JDP2: variants seen among roughly 807,000 people sequenced by gnomAD.
The protein encoded by JDP2 is Jun dimerization protein 2.
In JDP2, 9 loss-of-function variants were observed where a neutral mutation model predicts 17.1. That is an observed-to-expected ratio of 0.53 (90% CI 0.32 to 0.92). The LOEUF (loss-of-function observed/expected upper bound fraction) is 0.92, where lower values mean the gene tolerates loss of function less well. JDP2 is among the 40% of genes least tolerant of loss of function. JDP2 has a pLI of 0.04. For synonymous variants in JDP2, 107 were observed against 95.6 expected (o/e 1.12, Z -0.69); for missense variants, 179 against 220.0 (o/e 0.81, Z 1.18).
At chr14:75,434,704 G>C (rs956562280) in intron 1 of JDP2, among the ~76,000 whole-genome samples, 1 of 152,132 alleles carries the variant, frequency 6.6e-6, no homozygotes, top group Non-Finnish European at 1.5e-5. Flanking sequence ...GGAACAGAAT[G>C]GGGTCTGGCT....
At position 75,433,222 on chromosome 14, in the gene JDP2, AAAT is replaced by A. The variant is rs1470371602; in HGVS notation, c.-23-4675_-23-4673del. Among the ~76,000 whole-genome samples, 277 of 145,122 alleles carry A rather than the reference AAAT, an allele frequency of 1.9e-3. 13 individuals are homozygous for A. The highest frequency in any genetic ancestry group is 6.5e-3 in the African/African-American group (252 of 38,918). On this transcript the variant is annotated intron_variant, in intron 1 of 3. Coordinates refer to ENST00000651602, the MANE Select transcript of JDP2 (RefSeq NM_001135048.2). ...AAAAAAAAAAAAAAAAAAAAAAAAA[AAAT>A]GTAAGGGGTTAGGTTGGTGCAAAAG...
chr14:75,435,497 C>T (rs1386227043), intron 1 of JDP2, among the ~76,000 whole-genome samples: 1 of 152,186 alleles, frequency 6.6e-6, no homozygotes, highest in African/African-American at 2.4e-5. Flanking sequence ...GTCATTCCTT[C>T]TGCTGAAGGC....
At chr14:75,456,325 C>T (rs1331787848) in intron 2 of JDP2, among the ~76,000 whole-genome samples, 1 of 152,220 alleles carries the variant, frequency 6.6e-6, no homozygotes, top group African/African-American at 2.4e-5. Context: ...GTGTCTCTCT[C>T]TCCCCTTCTT....
chr14:75,445,642 C>T (rs983395435), intron 2 of JDP2: 23 of 938,452 alleles, frequency 2.5e-5, no homozygotes, highest in Admixed American at 1.2e-4. Context: ...TACCTAGTAC[C>T]TAGTACCATA....
Position 75,469,585 on chromosome 14 carries a change from A to G in JDP2, c.*110A>G, listed in dbSNP as rs1049060060. Reference sequence around the variant, plus strand: ...CTTCCTTTGGTGCATGAAAAACTGTACAATGAGGTTCAGCACAGCCAGCAT... The same window carrying G: ...CTTCCTTTGGTGCATGAAAAACTGTGCAATGAGGTTCAGCACAGCCAGCAT... On this transcript the variant is annotated 3_prime_UTR_variant, in exon 4 of 4. Transcript: ENST00000651602. 7.5e-6 allele frequency: 7 copies of G among 927,924 alleles called. No individual in the cohort carries two copies. In the Admixed American group the frequency reaches 1.9e-4, roughly 26 times the overall value. 57.5% of individuals were successfully genotyped at this position (927,924 alleles called of 1,614,324 possible). A position where few individuals can be genotyped will look rare whatever the true frequency, so the allele number is the denominator to read the frequency against.
chr14:75,468,420 A>G (rs1324077574), intron 3 of JDP2, among the ~76,000 whole-genome samples: 1 of 152,180 alleles, frequency 6.6e-6, no homozygotes, highest in African/African-American at 2.4e-5. Flanking sequence ...CCAAGTCTCA[A>G]AGTTTTCAGA....
chr14:75,453,921 T>C (rs1885985054), intron 2 of JDP2, among the ~76,000 whole-genome samples: 1 of 152,254 alleles, frequency 6.6e-6, no homozygotes, highest in Non-Finnish European at 1.5e-5. Context: ...TGCTTATCAC[T>C]TCCTTTATTT....
In JDP2 at chr14:75,437,916, C is replaced by A; in HGVS notation, c.-5C>A. ...ACTCCAGGCTGGCCTGCCACTCCTCCTGCTATGATGCCTGGGCAGATCCCG... is the reference window on the plus strand; with the variant it reads ...ACTCCAGGCTGGCCTGCCACTCCTCATGCTATGATGCCTGGGCAGATCCCG... On this transcript the variant is annotated 5_prime_UTR_variant, in exon 2 of 4. The change creates a new upstream start codon in the 5' untranslated region. Transcript: ENST00000651602. 1 of 1,602,680 alleles carries A rather than the reference C, an allele frequency of 6.2e-7. No homozygotes were observed. Among genetic ancestry groups the A allele is most frequent in the Non-Finnish European group, 8.5e-7 (1 of 1,173,924 alleles).
At chr14:75,451,331 C>A (rs1182424095) in intron 2 of JDP2, among the ~76,000 whole-genome samples, 2 of 148,868 alleles carry the variant, frequency 1.3e-5, no homozygotes, top group African/African-American at 5.0e-5. Flanking sequence ...ATGGGGGGAG[C>A]AAATCTGACG....
At chr14:75,439,043 A>G (rs1278540369) in intron 2 of JDP2, among the ~76,000 whole-genome samples, 1 of 152,170 alleles carries the variant, frequency 6.6e-6, no homozygotes, top group African/African-American at 2.4e-5. Flanking sequence ...GCATCTGGGA[A>G]TGGTAGCTCT....
At chr14:75,443,277 GGGTAA>G (rs1261086341) in intron 2 of JDP2, among the ~76,000 whole-genome samples, 4 of 152,200 alleles carry the variant, frequency 2.6e-5, no homozygotes, top group African/African-American at 9.7e-5. Context: ...CTGATGTGCT[GGGTAA>G]ATGTTGGCCT....
intron 1 of JDP2, among the ~76,000 whole-genome samples, chr14:75,429,644 G>A (rs915863487): frequency 2.6e-5 from 4 of 152,188 alleles, no homozygotes; most frequent in Admixed American, 1.3e-4. Flanking sequence ...GTTTCTAGGG[G>A]AGAGTTTAAC....
In JDP2 at chr14:75,449,874, C is replaced by T. The variant is rs140201695; in HGVS notation, c.202-11552C>T. Among the ~76,000 whole-genome samples the T allele has an allele frequency of 4.1e-3, 622 of 152,242 alleles. 1 individual carries two copies. Among genetic ancestry groups the T allele is most frequent in the Middle Eastern group, 0.01 (3 of 294 alleles). On this transcript the variant is annotated intron_variant, in intron 2 of 3. Coordinates refer to ENST00000651602, the MANE Select transcript of JDP2 (RefSeq NM_001135048.2). ...GTGTTTGCTCTTTCCTTAGCAAAAC[C>T]GGCTGTAAATGGGTGTCACCCTGCC...
chr14:75,431,073 T>C (rs1884775015), intron 1 of JDP2, among the ~76,000 whole-genome samples: 1 of 152,092 alleles, frequency 6.6e-6, no homozygotes, highest in African/African-American at 2.4e-5. Flanking sequence ...TATCACACCT[T>C]GTGTGTGTGT....
At chr14:75,437,838 T>G in intron 1 of JDP2, 60 bp from the exon 2 acceptor site, 1 of 1,216,674 alleles carries the variant, frequency 8.2e-7, no homozygotes, top group Non-Finnish European at 1.1e-6. Flanking sequence ...ACGAGGGACT[T>G]GAGCCCTCCT....
In JDP2 at chr14:75,461,296, G is replaced by A. The variant is rs942430816; in HGVS notation, c.202-130G>A. On this transcript the variant is annotated intron_variant, in intron 2 of 3. Coordinates refer to ENST00000651602, the MANE Select transcript of JDP2 (RefSeq NM_001135048.2). ...CAACTCTCCAGGCAGTGGGCTGGCA[G>A]AAGTGATCACTTGTTCACTGCCGAG... 5.9e-6 allele frequency: 4 copies of A among 678,152 alleles called. No homozygotes were observed. The Admixed American group carries it at 6.6e-5, about 11-fold the overall frequency. The allele number at this position is 678,152 out of a possible 1,614,324, so 42.0% of individuals were successfully genotyped here.
At position 75,469,642 on chromosome 14, in the gene JDP2, C is replaced by T; in HGVS notation, c.*167C>T. The stretch of plus-strand genomic sequence containing the variant: ...AGCTTTTTTGTGAAACTCAGATCAG[C>T]CACCCAGGAGGAAGAGCGGGCTGAG... On this transcript the variant is annotated 3_prime_UTR_variant, in exon 4 of 4. Coordinates refer to ENST00000651602, the MANE Select transcript of JDP2 (RefSeq NM_001135048.2). 1 of 630,422 alleles carries T rather than the reference C, an allele frequency of 1.6e-6. No individual in the cohort carries two copies. The allele number at this position is 630,422 out of a possible 1,614,324, so 39.1% of individuals were successfully genotyped here.
intron 2 of JDP2, among the ~76,000 whole-genome samples, chr14:75,444,017 C>T (rs919516595): frequency 1.3e-5 from 2 of 152,108 alleles, no homozygotes; most frequent in Admixed American, 6.5e-5. Flanking sequence ...ATCCTCTCAC[C>T]TCAGCCTCCT....
At chr14:75,459,206 C>T (rs1886240361) in intron 2 of JDP2, among the ~76,000 whole-genome samples, 1 of 152,212 alleles carries the variant, frequency 6.6e-6, no homozygotes, top group African/African-American at 2.4e-5. Context: ...GGAGATTGCA[C>T]CGCCAGCCAC....
Sources: gnomAD v4.1 joint callset for allele counts (sites outside exome capture counted in the v4.1 genomes callset) on GRCh38, gnomAD v4.1.1 for gene constraint, MANE v1.5 for transcripts, NCBI Gene and HGNC (gene_info 2026-07-23, HGNC 2026-07-21) for gene names.